ENTPD6: variants seen among roughly 807,000 people sequenced by gnomAD.
The protein encoded by ENTPD6 is CD39 antigen-like 2.
ENTPD6 carries 46 observed loss-of-function variants against 61.5 expected under a neutral mutation model. The ratio of observed to expected loss-of-function variants is 0.75; its 90% CI spans 0.59 to 0.96. The LOEUF is 0.96. Among genes scored for constraint, ENTPD6 ranks in the 40% least tolerant of loss-of-function variants. The probability of loss-of-function intolerance (pLI) is 0.00; values close to 1 mark genes in which losing one functional copy is unlikely to be tolerated. For missense variants in ENTPD6, 612 were observed against 629.0 expected, an observed-to-expected ratio of 0.97 and a Z score of 0.29; for synonymous variants, 252 against 255.5, an observed-to-expected ratio of 0.99 and a Z score of 0.13.
In ENTPD6 at chr20:25,222,839, G is replaced by A. The variant is rs896694181; in HGVS notation, c.1047G>A (p.Ala349=). ...CGCTAGCCTTGTGCTTGTCCCCAGC[G>A]GCAAGCCTGCACGAGCTGTGTGCTG... ...VTYRVSGQKA[A]ASLHELCAAR... The change falls in exon 12 of 15, where the codon GCG becomes GCA. Residue 349 remains alanine, a splice_region_variant and synonymous_variant. Coordinates refer to ENST00000376652, the MANE Select transcript of ENTPD6 (RefSeq NM_001247.5). 22 of 1,613,590 alleles carry A rather than the reference G, an allele frequency of 1.4e-5. No homozygotes were observed. Among genetic ancestry groups the A allele is most frequent in the East Asian group, 4.5e-5 (2 of 44,894 alleles).
chr20:25,217,156 T>C (rs2092360747), intron 8 of ENTPD6, among the ~76,000 whole-genome samples: 1 of 152,122 alleles, frequency 6.6e-6, no homozygotes, highest in East Asian at 1.9e-4. Flanking sequence ...ACACTTCCCA[T>C]TGAGGCACCT....
chr20:25,218,410 C>G (rs537706726), intron 9 of ENTPD6, 140 bp from the exon 10 acceptor site: 1 of 722,704 alleles, frequency 1.4e-6, no homozygotes, highest in Non-Finnish European at 2.4e-6. Flanking sequence ...CAGAAACAGG[C>G]TTTTAGAAGG....
chr20:25,222,791 CT>C, intron 11 of ENTPD6, 46 bp from the exon 12 acceptor site: 1 of 1,603,838 alleles, frequency 6.2e-7, no homozygotes, highest in Non-Finnish European at 8.5e-7. Flanking sequence ...GCTGTGAGGC[CT>C]GGGTGCTCGG....
chr20:25,203,694 C>T (rs185159244), intron 1 of ENTPD6, among the ~76,000 whole-genome samples: 12 of 152,318 alleles, frequency 7.9e-5, no homozygotes, highest in Admixed American at 7.2e-4. Context: ...ATATTTAAGA[C>T]AGTCATTTTT....
rs751618091 is a variant in ENTPD6, at chr20:25,225,547, AT to A, written c.1410del (p.His471IlefsTer6). The A allele has an allele frequency of 5.0e-6, 8 of 1,613,886 alleles. No individual in the cohort carries two copies. Among genetic ancestry groups the A allele is most frequent in the Non-Finnish European group, 6.8e-6 (8 of 1,179,944 alleles). On this transcript the variant is annotated frameshift_variant, in exon 15 of 15. Coordinates refer to ENST00000376652, the MANE Select transcript of ENTPD6 (RefSeq NM_001247.5). LOFTEE classifies it high-confidence loss of function. ...TGAGACCAGCTGGGCTCTGGGGGCCATTTTTCATTACATCGACTCCCTGAAC... is the reference window on the plus strand; with the variant it reads ...TGAGACCAGCTGGGCTCTGGGGGCCATTTTCATTACATCGACTCCCTGAAC... ...NVETSWALGAIFHYIDSLNRQ... is the reference protein window; with the variant it reads ...NVETSWALGAXFHYIDSLNRQ...
At chr20:25,223,027 C>CGGGGGGGGGGGGGGGAGGGGGGG in intron 12 of ENTPD6, 49 bp downstream of exon 12, 1 of 490,338 alleles carries the variant, frequency 2.0e-6, no homozygotes, top group Non-Finnish European at 3.2e-6. Context: ...CGGCAGGGGG[C>CGGGGGGGGGGGGGGGAGGGGGGG]GGGGGTGGAG....
In ENTPD6 at chr20:25,225,044, C is replaced by CTG. The variant is rs961111690; in HGVS notation, c.1244-158_1244-157dup. ...CGGGGTTGCCGCCCACCTGCCTGTG[C>CTG]TGTGCACTGGGTGCCTTCTGCGCTC... On this transcript the variant is annotated intron_variant, in intron 13 of 14. Coordinates refer to ENST00000376652, the MANE Select transcript of ENTPD6 (RefSeq NM_001247.5). The CTG allele has an allele frequency of 1.3e-5, 15 of 1,162,538 alleles. No homozygotes were observed. The African/African-American group carries it at 2.2e-4, about 17-fold the overall frequency. 72.0% of individuals were successfully genotyped at this position (1,162,538 alleles called of 1,614,324 possible).
rs1217100152 is a variant in ENTPD6, at chr20:25,195,752, C to T, written c.-131C>T. ...TAGGGAATCGTGGGGTCGTATCCCG[C>T]GGGTGGAGGCCGGGGTGGCGCCGGC... On this transcript the variant is annotated 5_prime_UTR_variant, in exon 1 of 15. Coordinates refer to ENST00000376652, the MANE Select transcript of ENTPD6 (RefSeq NM_001247.5). 1.3e-5 allele frequency: 11 copies of T among 862,824 alleles called. No individual in the cohort carries two copies. In the Admixed American group the frequency reaches 3.9e-4, roughly 30 times the overall value. 53.4% of individuals were successfully genotyped at this position (862,824 alleles called of 1,614,324 possible).
chr20:25,213,567 T>C (rs2092122290), intron 5 of ENTPD6, among the ~76,000 whole-genome samples, 161 bp downstream of exon 5: 1 of 152,262 alleles, frequency 6.6e-6, no homozygotes, highest in South Asian at 2.1e-4. Flanking sequence ...GGTGGGCAGA[T>C]GATGCTTTGT....
In ENTPD6 at chr20:25,215,695, C is replaced by T. The variant is rs780503838; in HGVS notation, c.693C>T (p.Thr231=). The change falls in exon 7 of 15, where the codon ACC becomes ACT. Residue 231 remains threonine (T), a synonymous_variant. Transcript: ENST00000376652. ...GTDEGVSAWI[T]INFLTGSLKT... is the part of the protein sequence containing the mutation. Reference sequence around the variant, plus strand: ...TTGCAGGCGTTTCGGCGTGGATCACCATCAACTTCCTGACAGGTGTGTGCA... The same window carrying T: ...TTGCAGGCGTTTCGGCGTGGATCACTATCAACTTCCTGACAGGTGTGTGCA... The T allele has an allele frequency of 4.1e-5, 66 of 1,614,100 alleles. 2 individuals are homozygous for T. In the South Asian group the frequency reaches 4.9e-4, roughly 12 times the overall value.
At chr20:25,222,706 T>G in intron 11 of ENTPD6, 132 bp from the exon 12 acceptor site, 1 of 1,269,676 alleles carries the variant, frequency 7.9e-7, no homozygotes, top group African/African-American at 1.5e-5. Flanking sequence ...GGGTGGGGTC[T>G]TACAGGCTTC....
At chr20:25,221,421 T>C in intron 11 of ENTPD6, 88 bp downstream of exon 11, 1 of 990,778 alleles carries the variant, frequency 1.0e-6, no homozygotes, top group Non-Finnish European at 1.6e-6. Flanking sequence ...CCATGGGACG[T>C]TCCACGGGAG....
intron 1 of ENTPD6, among the ~76,000 whole-genome samples, chr20:25,205,158 G>C (rs2091359821): frequency 6.6e-6 from 1 of 152,194 alleles, no homozygotes; most frequent in Non-Finnish European, 1.5e-5. Flanking sequence ...GACAAGCTGA[G>C]TCCCTGCCCT....
At chr20:25,214,810 TA>T in intron 5 of ENTPD6, 56 bp from the exon 6 acceptor site, 1 of 1,086,434 alleles carries the variant, frequency 9.2e-7, no homozygotes, top group South Asian at 1.3e-5. Context: ...GCTAAATAAA[TA>T]AATATATTCA....
chr20:25,220,475 C>G (rs2092588376), intron 10 of ENTPD6, among the ~76,000 whole-genome samples: 1 of 151,176 alleles, frequency 6.6e-6, no homozygotes, highest in African/African-American at 2.4e-5. Flanking sequence ...GGTCTGTGCA[C>G]ATGCCTGTGG....
At chr20:25,205,295 G>A (rs1165411714) in intron 1 of ENTPD6, among the ~76,000 whole-genome samples, 1 of 152,174 alleles carries the variant, frequency 6.6e-6, no homozygotes, top group Non-Finnish European at 1.5e-5. Flanking sequence ...TGCAGGTTGG[G>A]GGCATCCGGG....
intron 1 of ENTPD6, among the ~76,000 whole-genome samples, chr20:25,206,082 T>C (rs1374199774): frequency 6.6e-6 from 1 of 152,250 alleles, no homozygotes; most frequent in Non-Finnish European, 1.5e-5. Flanking sequence ...TCTGAGCACA[T>C]TGAATCCCCA....
At chr20:25,208,692 A>G (rs940196986) in intron 3 of ENTPD6, among the ~76,000 whole-genome samples, 2 of 152,200 alleles carry the variant, frequency 1.3e-5, no homozygotes, top group Admixed American at 6.5e-5. Context: ...CTAATAATTT[A>G]AAACACTCCA....
In ENTPD6 at chr20:25,225,299, C is replaced by T. The variant is rs776823094; in HGVS notation, c.1338C>T (p.Pro446=). The change falls in exon 14 of 15, where the codon CCC becomes CCT. Residue 446 remains proline (P), a synonymous_variant. Transcript: ENST00000376652. The part of the protein sequence containing the change: ...VSLLLQEFGF[P]RSKVLKLTRK... ...TGCTACTCCAGGAGTTCGGCTTTCC[C>T]AGGAGCAAAGTGCTGAAGGTAAGGG... 3 of 1,613,156 alleles carry T rather than the reference C, an allele frequency of 1.9e-6. No homozygotes were observed. Among genetic ancestry groups the T allele is most frequent in the South Asian group, 2.2e-5 (2 of 91,050 alleles).
Sources: allele counts gnomAD v4.1 joint callset (sites outside exome capture counted in the v4.1 genomes callset), GRCh38; gene constraint gnomAD v4.1.1; transcripts MANE v1.5; gene names NCBI Gene and HGNC (gene_info 2026-07-23, HGNC 2026-07-21).